The following PCLAF variants were observed in gnomAD, a reference collection of about 807,000 sequenced individuals.
The protein encoded by PCLAF is PCNA-associated factor.
Under a neutral mutation model 15.1 loss-of-function variants are expected in PCLAF, and 12 were observed. That is an observed-to-expected ratio of 0.79 (90% CI 0.51 to 1.29). PCLAF has a LOEUF of 1.29. Among genes scored for constraint, PCLAF ranks in the 50% most tolerant of loss-of-function variants. The probability of loss-of-function intolerance (pLI) is 0.00; values close to 1 mark genes in which losing one functional copy is unlikely to be tolerated. For synonymous variants in PCLAF, 33 were observed against 47.1 expected (o/e 0.70, Z 1.22); for missense variants, 116 against 130.9 (o/e 0.89, Z 0.56).
rs577022351 is a variant in PCLAF, at chr15:64,365,030, C to T, written c.*1000G>A. On this transcript the variant is annotated 3_prime_UTR_variant, in exon 4 of 4. Coordinates refer to ENST00000300035, the MANE Select transcript of PCLAF (RefSeq NM_014736.6). ...TTTTTTTTTGAGACGGAGTCTCGCT[C>T]TGTCGCCCAAGCCGGACTGCCGACT... 7 of 128,014 alleles carry T rather than the reference C, an allele frequency of 5.5e-5. 1 individual carries two copies. The highest frequency in any genetic ancestry group is 1.8e-4 in the African/African-American group (6 of 33,962). The allele number at this position is 128,014 out of a possible 1,614,324, so 7.9% of individuals were successfully genotyped here.
At chr15:64,371,729 T>G (rs1489171628) in intron 3 of PCLAF, among the ~76,000 whole-genome samples, 1 of 152,170 alleles carries the variant, frequency 6.6e-6, no homozygotes, top group Non-Finnish European at 1.5e-5. Context: ...CCTGAGCAGC[T>G]GGCATTACAG....
At chr15:64,375,542 C>T (rs1899573682) in intron 3 of PCLAF, among the ~76,000 whole-genome samples, 1 of 152,078 alleles carries the variant, frequency 6.6e-6, no homozygotes, top group Admixed American at 6.6e-5. Flanking sequence ...TCCCTAGTGG[C>T]TGGGATTATA....
chr15:64,387,040 A>G (rs1899957045), intron 1 of PCLAF, among the ~76,000 whole-genome samples: 1 of 151,486 alleles, frequency 6.6e-6, no homozygotes, highest in African/African-American at 2.4e-5. Flanking sequence ...CCAAATTCCA[A>G]CTCCTGTTTT....
rs1384476804 is a variant in PCLAF, at chr15:64,366,097, T to A, written c.291-22A>T. 3.2e-6 allele frequency: 5 copies of A among 1,586,374 alleles called. No homozygotes were observed. In the African/African-American group the frequency reaches 6.8e-5, roughly 21 times the overall value. ...TGCTCTGTGAAAAGAAGAGAGAACA[T>A]CAATAGCCATCCAAGTATCAACTGT... is the stretch of plus-strand genomic sequence containing the variant. On this transcript the variant is annotated intron_variant, in intron 3 of 3. Coordinates refer to ENST00000300035, the MANE Select transcript of PCLAF (RefSeq NM_014736.6).
intron 3 of PCLAF, among the ~76,000 whole-genome samples, chr15:64,374,538 CAA>C (rs1050774291): frequency 7.6e-6 from 1 of 131,748 alleles, no homozygotes. Flanking sequence ...AACTCCGTCT[CAA>C]AAAAAAAAAA....
intron 2 of PCLAF, among the ~76,000 whole-genome samples, chr15:64,378,520 C>A (rs1292765051): frequency 6.6e-6 from 1 of 152,176 alleles, no homozygotes; most frequent in Non-Finnish European, 1.5e-5. Flanking sequence ...ACCGTCCCGC[C>A]TTCGCCTCCA....
intron 2 of PCLAF, 52 bp from the exon 3 acceptor site, chr15:64,376,957 A>G (rs1275505775): frequency 2.1e-6 from 3 of 1,440,438 alleles, no homozygotes; most frequent in Non-Finnish European, 2.9e-6. Context: ...TACAATCTCT[A>G]TTCCTTAAAC....
chr15:64,387,687 C>A (rs973907788), exon 1 of PCLAF: 62 of 1,406,292 alleles, frequency 4.4e-5, no homozygotes, highest in Non-Finnish European at 4.9e-5. Context: ...AAGTAGACAA[C>A]AAAGCAGGAA....
chr15:64,379,744 G>T (rs935329073), intron 2 of PCLAF, among the ~76,000 whole-genome samples: 6 of 152,094 alleles, frequency 3.9e-5, no homozygotes, highest in Non-Finnish European at 8.8e-5. Flanking sequence ...CTACTGAAAG[G>T]AATGAGGCAC....
chr15:64,376,327 C>T (rs913378791), intron 3 of PCLAF, among the ~76,000 whole-genome samples: 4 of 151,942 alleles, frequency 2.6e-5, no homozygotes, highest in Admixed American at 6.6e-5. Context: ...TGAAGAGAAA[C>T]TTGACTCAAT....
Position 64,377,426 on chromosome 15 carries a change from C to T in PCLAF, c.128-521G>A, listed in dbSNP as rs189033946. 5.1e-3 allele frequency among the ~76,000 whole-genome samples: 676 copies of T among 133,820 alleles called. 10 individuals carry two copies. Among genetic ancestry groups the T allele is most frequent in the African/African-American group, 0.018 (626 of 35,710 alleles). The allele number at this position is 133,820 out of a possible 152,430, so 87.8% of individuals were successfully genotyped here. A position where few individuals can be genotyped will look rare whatever the true frequency, so the allele number is the denominator to read the frequency against. On this transcript the variant is annotated intron_variant, in intron 2 of 3. Coordinates refer to ENST00000300035, the MANE Select transcript of PCLAF (RefSeq NM_014736.6). ...AGGTTGCAGTGAGCCAAGATTGCGC[C>T]GCCACTGCACACTCCAGTCTGGCAA...
intron 3 of PCLAF, among the ~76,000 whole-genome samples, chr15:64,376,289 A>G (rs1899600217): frequency 6.6e-6 from 1 of 152,114 alleles, no homozygotes; most frequent in African/African-American, 2.4e-5. Flanking sequence ...AAGTTTTTAA[A>G]AACTTTTTTT....
At chr15:64,372,345 T>C (rs1899359895) in intron 3 of PCLAF, among the ~76,000 whole-genome samples, 1 of 152,196 alleles carries the variant, frequency 6.6e-6, no homozygotes, top group Non-Finnish European at 1.5e-5. Context: ...CTGGGTGCGA[T>C]GGCTCACACC....
At chr15:64,371,753 C>T (rs1024720147) in intron 3 of PCLAF, among the ~76,000 whole-genome samples, 3 of 152,130 alleles carry the variant, frequency 2.0e-5, no homozygotes, top group Non-Finnish European at 2.9e-5. Context: ...TGTGCCACCA[C>T]ACCCAGCTAA....
upstream of PCLAF, among the ~76,000 whole-genome samples, chr15:64,383,876 T>A (rs1449266822): frequency 6.6e-6 from 1 of 152,128 alleles, no homozygotes; most frequent in Non-Finnish European, 1.5e-5. Context: ...TATAGTTGTG[T>A]GTTTGTTTTT....
chr15:64,378,465 T>G (rs2140531137), intron 2 of PCLAF, among the ~76,000 whole-genome samples: 1 of 152,154 alleles, frequency 6.6e-6, no homozygotes, highest in Admixed American at 6.6e-5. Context: ...AGCAATGGGG[T>G]TTTGCCACGT....
intron 3 of PCLAF, chr15:64,373,484 T>A: frequency 1.4e-6 from 1 of 730,354 alleles, no homozygotes. Context: ...TGTAGCTGTT[T>A]CTTGACCTGC....
chr15:64,378,334 T>C (rs1042663161), intron 2 of PCLAF, among the ~76,000 whole-genome samples: 4 of 152,222 alleles, frequency 2.6e-5, no homozygotes, highest in Admixed American at 6.5e-5. Flanking sequence ...GCAAATCTTT[T>C]GCTTTAAGCT....
rs1485590917 is a variant in PCLAF at position 64,364,992 on chromosome 15, A to AC, written c.*1037_*1038insG. On this transcript the variant is annotated 3_prime_UTR_variant, in exon 4 of 4. Coordinates refer to ENST00000300035, the MANE Select transcript of PCLAF (RefSeq NM_014736.6). ...AGCCACTGCACTCAGCCTTTTTTAA[A>AC]ATTTTTTTTTTTTTTTTTTTTGAGA... 2.2e-5 allele frequency: 2 copies of AC among 91,814 alleles called. No homozygotes were observed. Among genetic ancestry groups the AC allele is most frequent in the Non-Finnish European group, 4.3e-5 (2 of 46,014 alleles). The allele number at this position is 91,814 out of a possible 1,614,324, so 5.7% of individuals were successfully genotyped here. A position where few individuals can be genotyped will look rare whatever the true frequency, so the allele number is the denominator to read the frequency against.
Sources: allele counts gnomAD v4.1 joint callset (sites outside exome capture counted in the v4.1 genomes callset), GRCh38; gene constraint gnomAD v4.1.1; transcripts MANE v1.5; gene names NCBI Gene and HGNC (gene_info 2026-07-23, HGNC 2026-07-21).